The following CATSPERE variants were observed in gnomAD, a reference collection of about 807,000 sequenced individuals.
CATSPERE encodes cation channel sperm-associated auxiliary subunit epsilon.
A neutral mutation model predicts 114.1 loss-of-function variants in CATSPERE; 93 were observed. The ratio of observed to expected loss-of-function variants is 0.81; its 90% CI spans 0.69 to 0.97. The LOEUF (loss-of-function observed/expected upper bound fraction) is 0.97. CATSPERE is among the 50% of genes least tolerant of loss of function. The probability of loss-of-function intolerance (pLI) is 0.00; values close to 1 mark genes in which losing one functional copy is unlikely to be tolerated. For synonymous variants in CATSPERE, 341 were observed against 384.1 expected (o/e 0.89, Z 1.31); for missense variants, 1,058 against 1,131.6 (o/e 0.93, Z 0.93).
upstream of CATSPERE, among the ~76,000 whole-genome samples, chr1:244,460,400 T>C (rs1309605063): frequency 6.6e-6 from 1 of 151,960 alleles, no homozygotes; most frequent in Non-Finnish European, 1.5e-5. Context: ...CATCTGATCT[T>C]GTGGCCCCAC....
chr1:244,522,535 C>G (rs1345729529), intron 8 of CATSPERE, among the ~76,000 whole-genome samples: 2 of 151,810 alleles, frequency 1.3e-5, no homozygotes, highest in South Asian at 4.2e-4. Context: ...AAAAAATTAA[C>G]GAATACAGGA....
chr1:244,465,046 T>C (rs553521271), intron 2 of CATSPERE, among the ~76,000 whole-genome samples: 114 of 151,866 alleles, frequency 7.5e-4, no homozygotes, highest in African/African-American at 2.7e-3. Flanking sequence ...TCCTTTTTTT[T>C]TTTTTTGGAG....
In CATSPERE at chr1:244,552,394, T is replaced by A; in HGVS notation, c.609T>A (p.Phe203Leu). 1.9e-6 allele frequency: 3 copies of A among 1,614,196 alleles called. No homozygotes were observed. Among genetic ancestry groups the A allele is most frequent in the Non-Finnish European group, 2.5e-6 (3 of 1,180,032 alleles). ...AGATTAGAGGAAACCAAGTTACTTTTCAGGATTGCTTTATTGCAGATTTTC... is the reference window on the plus strand; with the variant it reads ...AGATTAGAGGAAACCAAGTTACTTTACAGGATTGCTTTATTGCAGATTTTC... ...LKEIRGNQVT[F>L]QDCFIADFLI... Residue 203 changes from phenylalanine to leucine, a missense_variant, in exon 9 of 22, where the codon TTT becomes TTA. Physicochemically the swap from Phe to Leu is conservative, Grantham distance 22. Around this residue, in one of 2 missense-constraint regions of CATSPERE, gnomAD observed 787 missense variants for 905.6 expected, o/e 0.87. Coordinates refer to ENST00000366534, the MANE Select transcript of CATSPERE (RefSeq NM_001130957.2).
At chr1:244,478,344 C>T (rs941611457) in intron 4 of CATSPERE, among the ~76,000 whole-genome samples, 2 of 152,214 alleles carry the variant, frequency 1.3e-5, no homozygotes, top group Admixed American at 1.3e-4. Flanking sequence ...TTTTACTCCA[C>T]TGCATTTTCT....
intron 8 of CATSPERE, among the ~76,000 whole-genome samples, chr1:244,535,483 T>A (rs556758855): frequency 6.6e-6 from 1 of 152,178 alleles, no homozygotes; most frequent in Non-Finnish European, 1.5e-5. Context: ...GACATAGCCC[T>A]TTCCACTCCT....
intron 17 of CATSPERE, chr1:244,598,698 C>T (rs1369985993): frequency 9.3e-6 from 2 of 215,220 alleles, no homozygotes; most frequent in East Asian, 2.8e-4. Flanking sequence ...ATTTAATTCT[C>T]TCTTTTGTTG....
chr1:244,533,062 A>G (rs1248456083), intron 8 of CATSPERE, among the ~76,000 whole-genome samples: 1 of 152,088 alleles, frequency 6.6e-6, no homozygotes, highest in Non-Finnish European at 1.5e-5. Context: ...TATTTACAAT[A>G]AAGTTATGCC....
At chr1:244,480,824 A>G (rs1670161738) in intron 5 of CATSPERE, among the ~76,000 whole-genome samples, 1 of 152,056 alleles carries the variant, frequency 6.6e-6, no homozygotes, top group Non-Finnish European at 1.5e-5. Context: ...ACTTTCCCGG[A>G]GTCTTATTGA....
chr1:244,520,199 G>GA (rs113120511), intron 8 of CATSPERE, among the ~76,000 whole-genome samples: 18,485 of 152,102 alleles, frequency 0.12, 1,889 homozygotes, highest in African/African-American at 0.28. Flanking sequence ...CCGTATCAAG[G>GA]AAACCATTGC....
At chr1:244,605,670 T>C in intron 17 of CATSPERE, 25 bp from the exon 18 acceptor site, 1 of 1,486,890 alleles carries the variant, frequency 6.7e-7, no homozygotes, top group Non-Finnish European at 9.4e-7. Context: ...TAAACTAGTA[T>C]CTTTCTGTTT....
intron 9 of CATSPERE, among the ~76,000 whole-genome samples, chr1:244,554,071 A>G (rs1661216625): frequency 1.3e-5 from 2 of 152,110 alleles, no homozygotes; most frequent in African/African-American, 4.8e-5. Flanking sequence ...CCACTCATCC[A>G]TTGATGTACA....
chr1:244,455,332 T>C (rs1455686322), intron 1 of CATSPERE, among the ~76,000 whole-genome samples: 8 of 152,154 alleles, frequency 5.3e-5, no homozygotes, highest in African/African-American at 1.9e-4. Flanking sequence ...GGGGAGATTC[T>C]ACATCTTGTA....
intron 7 of CATSPERE, among the ~76,000 whole-genome samples, chr1:244,503,181 C>T (rs779675978): frequency 2.0e-5 from 3 of 152,210 alleles, no homozygotes; most frequent in Middle Eastern, 3.4e-3. Context: ...GTAAGTAATC[C>T]ATCTTTTCTC....
At chr1:244,553,627 A>ACACACACATATATACATACACG in intron 9 of CATSPERE, among the ~76,000 whole-genome samples, 1 of 148,464 alleles carries the variant, frequency 6.7e-6, no homozygotes, top group Admixed American at 6.7e-5. Flanking sequence ...ACACACACAC[A>ACACACACATATATACATACACG]CACACACACA....
intron 7 of CATSPERE, among the ~76,000 whole-genome samples, chr1:244,502,875 T>C (rs1674279703): frequency 6.6e-6 from 1 of 152,056 alleles, no homozygotes; most frequent in Admixed American, 6.5e-5. Context: ...TGCCTCAGAG[T>C]TGCCTCACAG....
chr1:244,556,429 C>T (rs1243004970), intron 9 of CATSPERE, among the ~76,000 whole-genome samples: 1 of 152,042 alleles, frequency 6.6e-6, no homozygotes, highest in Non-Finnish European at 1.5e-5. Flanking sequence ...TACATTAAAT[C>T]TAAATGGTCT....
chr1:244,605,522 G>GA lies in CATSPERE; in HGVS notation c.2304-164dup, dbSNP rs530943889. On this transcript the variant is annotated intron_variant, in intron 17 of 21. Coordinates refer to ENST00000366534, the MANE Select transcript of CATSPERE (RefSeq NM_001130957.2). ...CAATAGGTACTGTTATTATTTTACAGAAAAAAAAATCAAGGCTTCAAGAGT... is the reference window on the plus strand; with the variant it reads ...CAATAGGTACTGTTATTATTTTACAGAAAAAAAAAATCAAGGCTTCAAGAGT... 8.0e-4 allele frequency among the ~76,000 whole-genome samples: 121 copies of GA among 151,032 alleles called. No homozygotes were observed. The South Asian group carries it at 8.4e-3, about 10-fold the overall frequency.
At chr1:244,592,890 G>A (rs1479774638) in intron 15 of CATSPERE, among the ~76,000 whole-genome samples, 2 of 152,208 alleles carry the variant, frequency 1.3e-5, no homozygotes, top group African/African-American at 4.8e-5. Flanking sequence ...TGTGAGGACT[G>A]AGAAGACAGG....
chr1:244,567,204 CAG>C (rs1373830198), intron 10 of CATSPERE, among the ~76,000 whole-genome samples: 2 of 152,194 alleles, frequency 1.3e-5, no homozygotes, highest in Non-Finnish European at 2.9e-5. Flanking sequence ...AGGGTTTCTG[CAG>C]AGAGATCTGC....
Sources: gnomAD v4.1 joint callset for allele counts (sites outside exome capture counted in the v4.1 genomes callset) on GRCh38, gnomAD v4.1.1 for gene constraint, gnomAD v4.1.1 regional missense constraint, MANE v1.5 for transcripts, NCBI Gene and HGNC (gene_info 2026-07-23, HGNC 2026-07-21) for gene names.